The following MAPK10 variants were observed in gnomAD, a reference collection of about 807,000 sequenced individuals.
MAPK10 encodes mitogen-activated protein kinase 10.
Under a neutral mutation model 59.3 loss-of-function variants are expected in MAPK10, and 25 were observed. The observed-to-expected ratio is 0.42, with a 90% CI of 0.31 to 0.59. The LOEUF is 0.59. Among genes scored for constraint, MAPK10 ranks in the 20% least tolerant of loss-of-function variants. The pLI, the probability that MAPK10 is intolerant of heterozygous loss-of-function variation, is 0.15. For missense variants in MAPK10, 351 were observed against 568.9 expected (o/e 0.62, Z 3.90); for synonymous variants, 190 against 200.5 (o/e 0.95, Z 0.44).
chr4:86,537,622 C>T (rs1758348168), intron 1 of MAPK10, among the ~76,000 whole-genome samples: 1 of 152,056 alleles, frequency 6.6e-6, no homozygotes, highest in South Asian at 2.1e-4. Context: ...AAGGTACCTC[C>T]CTGAGAAATA....
At chr4:86,087,685 T>C (rs185632748) in intron 9 of MAPK10, among the ~76,000 whole-genome samples, 1 of 152,260 alleles carries the variant, frequency 6.6e-6, no homozygotes, top group East Asian at 1.9e-4. Flanking sequence ...TATTTTTAAC[T>C]GAAGTATTTT....
At chr4:86,099,047 CT>C in intron 8 of MAPK10, 4 of 153,112 alleles carry the variant, frequency 2.6e-5, no homozygotes, top group Non-Finnish European at 4.4e-5. Context: ...AAGAGACCAC[CT>C]TTTTTTTCAG....
At chr4:86,229,587 A>G (rs936141356) in intron 2 of MAPK10, among the ~76,000 whole-genome samples, 1 of 152,204 alleles carries the variant, frequency 6.6e-6, no homozygotes. Context: ...AAGGAAATTA[A>G]CATCCTTAAT....
chr4:86,178,599 C>T (rs749102118), intron 3 of MAPK10, among the ~76,000 whole-genome samples: 7 of 151,924 alleles, frequency 4.6e-5, no homozygotes, highest in Non-Finnish European at 8.8e-5. Context: ...TAGGGAAAAC[C>T]TTAAAGCTTT....
intron 3 of MAPK10, among the ~76,000 whole-genome samples, chr4:86,189,523 G>T (rs187060714): frequency 1.7e-3 from 266 of 152,198 alleles, no homozygotes; most frequent in African/African-American, 6.0e-3. Context: ...GTGAATGGGA[G>T]TTCACTCATG....
intron 2 of MAPK10, among the ~76,000 whole-genome samples, chr4:86,249,580 A>C (rs1215852803): frequency 6.6e-6 from 1 of 152,188 alleles, no homozygotes; most frequent in Non-Finnish European, 1.5e-5. Context: ...GTAAGAAGGC[A>C]GGAGAAAATA....
chr4:86,272,117 A>G (rs2094451987), intron 2 of MAPK10, among the ~76,000 whole-genome samples: 1 of 151,984 alleles, frequency 6.6e-6, no homozygotes, highest in Admixed American at 6.6e-5. Context: ...GCATTGATTC[A>G]CTTAGGATAA....
chr4:86,277,350 G>C (rs904597461), intron 2 of MAPK10: 2 of 151,928 alleles, frequency 1.3e-5, no homozygotes, highest in Non-Finnish European at 2.9e-5. Context: ...AGGAAATAAG[G>C]GTTTATAGAC....
At chr4:86,261,438 C>T (rs17011643) in intron 2 of MAPK10, among the ~76,000 whole-genome samples, 2,125 of 152,192 alleles carry the variant, frequency 0.014, 55 homozygotes, top group African/African-American at 0.048. Flanking sequence ...TCTGTTTGAT[C>T]CAACAAATCC....
chr4:86,430,861 C>A (rs183288143), intron 1 of MAPK10, among the ~76,000 whole-genome samples: 1 of 152,256 alleles, frequency 6.6e-6, no homozygotes, highest in Non-Finnish European at 1.5e-5. Context: ...CAATATAGGA[C>A]CTTACCCTGA....
chr4:86,569,731 T>C (rs1405453302), intron 1 of MAPK10, among the ~76,000 whole-genome samples: 4 of 152,204 alleles, frequency 2.6e-5, no homozygotes, highest in East Asian at 1.9e-4. Context: ...CTCTCACTTA[T>C]ATGTGAGAGC....
rs189976552 is a variant in MAPK10 at position 86,017,869 on chromosome 4, C to T, written c.1253-499G>A. Among the ~76,000 whole-genome samples the T allele has an allele frequency of 5.1e-3, 775 of 152,170 alleles. 3 individuals carry two copies. Among genetic ancestry groups the T allele is most frequent in the African/African-American group, 0.017 (713 of 41,504 alleles). ...TCCCGAGTAGCTGGGAGTACAGGTG[C>T]GCACCACCACACCCAGCTAATTTTT... On this transcript the variant is annotated intron_variant, in intron 13 of 13. Transcript: ENST00000641462. The surrounding 1 kb of genome is among the most constrained non-coding windows in gnomAD (Gnocchi z 4.4).
intron 2 of MAPK10, among the ~76,000 whole-genome samples, chr4:86,291,179 T>G (rs2095214725): frequency 6.6e-6 from 1 of 152,130 alleles, no homozygotes; most frequent in Non-Finnish European, 1.5e-5. Flanking sequence ...CTGAACAAAT[T>G]AAGTCATCTG....
At chr4:86,499,054 A>G (rs1368497078) in intron 1 of MAPK10, among the ~76,000 whole-genome samples, 1 of 152,218 alleles carries the variant, frequency 6.6e-6, no homozygotes, top group East Asian at 1.9e-4. Flanking sequence ...GAGAATCATA[A>G]GTTAATATTC....
chr4:86,184,343 C>T (rs2077646990), intron 3 of MAPK10, among the ~76,000 whole-genome samples: 3 of 151,998 alleles, frequency 2.0e-5, no homozygotes, highest in African/African-American at 7.3e-5. Flanking sequence ...AAGGAAATAG[C>T]TCACAGTCAT....
At chr4:86,214,180 C>A (rs1425697614) in intron 2 of MAPK10, among the ~76,000 whole-genome samples, 4 of 151,818 alleles carry the variant, frequency 2.6e-5, no homozygotes, top group Non-Finnish European at 4.4e-5. Context: ...AATTCAACAC[C>A]CTTTCATGAT....
At chr4:86,455,305 G>A (rs559175565), upstream of MAPK10, among the ~76,000 whole-genome samples, 93 of 152,120 alleles carry the variant, frequency 6.1e-4, no homozygotes, top group Non-Finnish European at 1.1e-3. Context: ...AACATTGAAT[G>A]TAAATAGCCT....
At chr4:86,292,135 C>T (rs1396454238) in intron 2 of MAPK10, among the ~76,000 whole-genome samples, 1 of 152,070 alleles carries the variant, frequency 6.6e-6, no homozygotes, top group Non-Finnish European at 1.5e-5. Flanking sequence ...CAATATTTGT[C>T]TAATTATTAG....
chr4:86,333,841 A>G (rs1247281324), intron 2 of MAPK10, among the ~76,000 whole-genome samples: 2 of 152,224 alleles, frequency 1.3e-5, no homozygotes, highest in Non-Finnish European at 2.9e-5. Context: ...ATGTAAAAAC[A>G]CATAACACAG....
Sources: gnomAD v4.1 joint callset for allele counts (sites outside exome capture counted in the v4.1 genomes callset) on GRCh38, gnomAD v4.1.1 for gene constraint, Gnocchi (gnomAD v3.1) non-coding constraint, MANE v1.5 for transcripts, NCBI Gene and HGNC (gene_info 2026-07-23, HGNC 2026-07-21) for gene names.